The following DYNC1I1 variants were observed in gnomAD, a reference collection of about 807,000 sequenced individuals.
The protein encoded by DYNC1I1 is cytoplasmic dynein 1 intermediate chain 1.
DYNC1I1 carries 43 observed loss-of-function variants against 86.6 expected under a neutral mutation model. The ratio of observed to expected loss-of-function variants is 0.50; its 90% CI spans 0.39 to 0.64. The LOEUF (loss-of-function observed/expected upper bound fraction) is 0.64, where lower values mean the gene tolerates loss of function less well. DYNC1I1 is among the 30% of genes least tolerant of loss of function. The probability of loss-of-function intolerance (pLI) is 0.00; values close to 1 mark genes in which losing one functional copy is unlikely to be tolerated. For missense variants in DYNC1I1, 604 were observed against 788.8 expected, an observed-to-expected ratio of 0.77 and a Z score of 2.81; for synonymous variants, 262 against 283.7, an observed-to-expected ratio of 0.92 and a Z score of 0.77.
chr7:95,947,974 A>G (rs1162959382), intron 6 of DYNC1I1, among the ~76,000 whole-genome samples: 2 of 128,280 alleles, frequency 1.6e-5, no homozygotes, highest in Non-Finnish European at 3.2e-5. Flanking sequence ...AGGTCTTTGT[A>G]TGTGGCTTTT....
At chr7:95,985,200 G>T (rs1022593574) in intron 8 of DYNC1I1, among the ~76,000 whole-genome samples, 1 of 152,100 alleles carries the variant, frequency 6.6e-6, no homozygotes, top group Non-Finnish European at 1.5e-5. Context: ...TTTGAACTTG[G>T]TATCTGGGGA....
chr7:96,029,965 T>C (rs765362613), intron 11 of DYNC1I1, among the ~76,000 whole-genome samples: 14 of 151,982 alleles, frequency 9.2e-5, no homozygotes, highest in Non-Finnish European at 1.6e-4. Context: ...TGTCCACTTT[T>C]CGCTTTTGCT....
intron 1 of DYNC1I1, chr7:95,804,199 AAAT>A (rs1794650265): frequency 8.5e-6 from 2 of 236,116 alleles, no homozygotes; most frequent in Admixed American, 5.7e-5. Context: ...TCCCTGATGC[AAAT>A]AATGTTAGGC....
At chr7:95,904,830 G>C (rs917661619) in intron 6 of DYNC1I1, among the ~76,000 whole-genome samples, 1 of 152,072 alleles carries the variant, frequency 6.6e-6, no homozygotes, top group Non-Finnish European at 1.5e-5. Context: ...TCCTTCTTTG[G>C]ACTATCTGCC....
intron 11 of DYNC1I1, among the ~76,000 whole-genome samples, chr7:96,030,282 A>C (rs1274546266): frequency 6.6e-6 from 1 of 151,560 alleles, no homozygotes; most frequent in Non-Finnish European, 1.5e-5. Context: ...TGGCATCTAT[A>C]CTGGAAAAAT....
intron 6 of DYNC1I1, among the ~76,000 whole-genome samples, chr7:95,969,461 G>A (rs577636556): frequency 2.6e-5 from 4 of 152,090 alleles, no homozygotes; most frequent in Non-Finnish European, 5.9e-5. Flanking sequence ...TGGAAACACC[G>A]ATCAGTCAAG....
At chr7:95,946,010 G>A (rs887974147) in intron 6 of DYNC1I1, among the ~76,000 whole-genome samples, 4 of 152,082 alleles carry the variant, frequency 2.6e-5, no homozygotes, top group Non-Finnish European at 4.4e-5. Context: ...CAGGGACATG[G>A]ATGGAGCTGG....
intron 5 of DYNC1I1, among the ~76,000 whole-genome samples, chr7:95,853,871 GT>G (rs1789646311): frequency 6.6e-6 from 1 of 152,084 alleles, no homozygotes; most frequent in Admixed American, 6.5e-5. Flanking sequence ...TATAACAACT[GT>G]GGAATTGATC....
chr7:96,048,828 A>C (rs1467617936), intron 14 of DYNC1I1, among the ~76,000 whole-genome samples: 1 of 152,196 alleles, frequency 6.6e-6, no homozygotes, highest in Non-Finnish European at 1.5e-5. Context: ...AATGTATTTG[A>C]AACCCCAAAT....
intron 6 of DYNC1I1, among the ~76,000 whole-genome samples, chr7:95,920,411 A>G (rs1198318927): frequency 6.6e-6 from 1 of 152,222 alleles, no homozygotes; most frequent in African/African-American, 2.4e-5. Context: ...AATAAATGCA[A>G]TGTGGTACCC....
Position 96,080,229 on chromosome 7 carries a change from G to A in DYNC1I1, c.1651-134G>A, listed in dbSNP as rs149534474. On this transcript the variant is annotated intron_variant, in intron 15 of 16. Coordinates refer to ENST00000447467, the MANE Select transcript of DYNC1I1 (RefSeq NM_001135556.2). ...AGAACAATGAGCCCTTTTTCCCCCC[G>A]GCACAAGGGATGTGTATTACTTAAT... 1.1e-3 allele frequency: 1,299 copies of A among 1,145,078 alleles called. 1 individual carries two copies. The highest frequency in any genetic ancestry group is 1.9e-3 in the Admixed American group (55 of 29,028). 70.9% of individuals were successfully genotyped at this position (1,145,078 alleles called of 1,614,324 possible).
At chr7:95,909,261 C>T (rs898149883) in intron 6 of DYNC1I1, among the ~76,000 whole-genome samples, 4 of 13,898 alleles carry the variant, frequency 2.9e-4, no homozygotes, top group Middle Eastern at 0.071. Flanking sequence ...GGGGGCGGGG[C>T]GGGAAGGGAA....
At chr7:95,921,114 C>A (rs542598206) in intron 6 of DYNC1I1, among the ~76,000 whole-genome samples, 1 of 152,250 alleles carries the variant, frequency 6.6e-6, no homozygotes, top group East Asian at 1.9e-4. Flanking sequence ...TCTTTATCGA[C>A]ATGACATTGT....
At chr7:95,976,754 C>T (rs149115739) in intron 6 of DYNC1I1, among the ~76,000 whole-genome samples, 44 of 152,242 alleles carry the variant, frequency 2.9e-4, no homozygotes, top group African/African-American at 9.1e-4. Context: ...TCCCTTAAAC[C>T]TTCTACACTG....
At chr7:95,923,797 T>A (rs1485957976) in intron 6 of DYNC1I1, among the ~76,000 whole-genome samples, 1 of 152,158 alleles carries the variant, frequency 6.6e-6, no homozygotes, top group African/African-American at 2.4e-5. Context: ...ATAACATCAT[T>A]GTACAAATGG....
intron 9 of DYNC1I1, among the ~76,000 whole-genome samples, chr7:95,993,567 ATCAAAGGCTTTCTTAATAGGCCTTTGAT>A (rs1246491053): frequency 6.6e-6 from 1 of 152,142 alleles, no homozygotes; most frequent in Non-Finnish European, 1.5e-5. Context: ...TGGGCTTTGA[ATCAAAGGCTTTCTTAATAGGCCTTTGAT>A]TCATCCGCTG....
chr7:96,016,694 A>G (rs1036671051), intron 10 of DYNC1I1, among the ~76,000 whole-genome samples: 1 of 152,124 alleles, frequency 6.6e-6, no homozygotes, highest in Non-Finnish European at 1.5e-5. Flanking sequence ...CTTCTTTTAT[A>G]TGGCCCAGGA....
At chr7:95,835,898 C>T in intron 5 of DYNC1I1, among the ~76,000 whole-genome samples, 1 of 152,170 alleles carries the variant, frequency 6.6e-6, no homozygotes, top group East Asian at 1.9e-4. Context: ...CTGAATACAG[C>T]ACACTGATGG....
chr7:96,073,310 A>C lies in DYNC1I1; in HGVS notation c.1510-2747A>C, dbSNP rs146430916. ...CAATAGCATTTCAATCAATACTATT[A>C]AATATAAGAAACTGGGTTTTGGTAA... On this transcript the variant is annotated intron_variant, in intron 14 of 16. Coordinates refer to ENST00000447467, the MANE Select transcript of DYNC1I1 (RefSeq NM_001135556.2). Among the ~76,000 whole-genome samples the C allele has an allele frequency of 7.6e-3, 1,160 of 152,302 alleles. 10 individuals carry two copies. Among genetic ancestry groups the C allele is most frequent in the African/African-American group, 0.026 (1,094 of 41,548 alleles).
Sources: allele counts gnomAD v4.1 joint callset (sites outside exome capture counted in the v4.1 genomes callset), GRCh38; gene constraint gnomAD v4.1.1; transcripts MANE v1.5; gene names NCBI Gene and HGNC (gene_info 2026-07-23, HGNC 2026-07-21).